Variants in LOC128125817 observed in about 807,000 individuals in gnomAD.
At chr1:41,599,783 G>A in the LOC128125817 span, among the ~76,000 whole-genome samples, 1 of 152,038 alleles carries the variant, frequency 6.6e-6, no homozygotes, top group Admixed American at 6.5e-5. Flanking sequence ...CATCAACAGA[G>A]TAAAAAGACA....
the LOC128125817 span, among the ~76,000 whole-genome samples, chr1:41,597,525 C>T: frequency 2.0e-5 from 3 of 152,158 alleles, no homozygotes; most frequent in African/African-American, 4.8e-5. Flanking sequence ...ACCCTTCAGG[C>T]GGGTACTATT....
the LOC128125817 span, among the ~76,000 whole-genome samples, chr1:41,626,500 G>C: frequency 0.021 from 3,137 of 152,256 alleles, 102 homozygotes; most frequent in African/African-American, 0.072. Flanking sequence ...GGCACGAAGC[G>C]GGGGGAGGGG....
the LOC128125817 span, among the ~76,000 whole-genome samples, chr1:41,628,083 A>T: frequency 6.6e-6 from 1 of 152,202 alleles, no homozygotes; most frequent in Admixed American, 6.5e-5. Flanking sequence ...ATACCTGAAG[A>T]TCTAAATGCA....
the LOC128125817 span, among the ~76,000 whole-genome samples, chr1:41,609,859 C>T: frequency 2.4e-4 from 36 of 152,360 alleles, no homozygotes; most frequent in African/African-American, 7.9e-4. Context: ...TAGGCCAAGA[C>T]GCTTGGTCAA....
At chr1:41,620,525 T>C in the LOC128125817 span, among the ~76,000 whole-genome samples, 2 of 152,174 alleles carry the variant, frequency 1.3e-5, no homozygotes, top group Non-Finnish European at 2.9e-5. Flanking sequence ...TACTCAGTCC[T>C]CAAGCTTTGG....
the LOC128125817 span, among the ~76,000 whole-genome samples, chr1:41,598,135 A>T: frequency 2.0e-5 from 3 of 152,186 alleles, no homozygotes; most frequent in Non-Finnish European, 4.4e-5. Flanking sequence ...CAAAGCCTGA[A>T]ATGAGAGTTG....
the LOC128125817 span, among the ~76,000 whole-genome samples, chr1:41,597,591 G>A: frequency 1.3e-5 from 2 of 152,136 alleles, no homozygotes; most frequent in Admixed American, 6.5e-5. Flanking sequence ...AAACTGATAA[G>A]TAGCAGAGAC....
chr1:41,612,170 C>T, the LOC128125817 span, among the ~76,000 whole-genome samples: 3 of 152,104 alleles, frequency 2.0e-5, no homozygotes, highest in Admixed American at 6.5e-5. Flanking sequence ...GCCTGCTGCC[C>T]GGTCCCCCAT....
At chr1:41,620,945 C>T in the LOC128125817 span, among the ~76,000 whole-genome samples, 80 of 152,300 alleles carry the variant, frequency 5.3e-4, no homozygotes, top group Non-Finnish European at 7.6e-4. Flanking sequence ...GAGGACCACC[C>T]GAGGCCCTGA....
At chr1:41,628,674 A>T in the LOC128125817 span, 1 of 1,060,048 alleles carries the variant, frequency 9.4e-7, no homozygotes, top group Non-Finnish European at 1.2e-6. Flanking sequence ...TCAGAGGAAG[A>T]ACTAAGCAAG....
chr1:41,628,093 A>T, the LOC128125817 span, among the ~76,000 whole-genome samples: 2 of 152,222 alleles, frequency 1.3e-5, no homozygotes, highest in Non-Finnish European at 2.9e-5. Context: ...ATCTAAATGC[A>T]TATATAAACA....
At chr1:41,594,423 A>G in the LOC128125817 span, among the ~76,000 whole-genome samples, 3 of 151,994 alleles carry the variant, frequency 2.0e-5, no homozygotes, top group Non-Finnish European at 2.9e-5. Context: ...GGGTTTCACC[A>G]TGGCGGCCAG....
chr1:41,598,903 C>T, the LOC128125817 span, among the ~76,000 whole-genome samples: 152 of 152,134 alleles, frequency 1.0e-3, no homozygotes, highest in Middle Eastern at 0.01. Flanking sequence ...GCAACCTCCA[C>T]CTCCTGGGCT....
the LOC128125817 span, among the ~76,000 whole-genome samples, chr1:41,597,036 T>C: frequency 1.3e-5 from 2 of 152,140 alleles, no homozygotes; most frequent in Non-Finnish European, 2.9e-5. Flanking sequence ...TTAAATCATT[T>C]CCCTTGGATG....
At chr1:41,603,159 C>A in the LOC128125817 span, among the ~76,000 whole-genome samples, 6 of 152,128 alleles carry the variant, frequency 3.9e-5, no homozygotes, top group Admixed American at 1.3e-4. Flanking sequence ...CTCCACCTCC[C>A]GGGTTCAAGC....
chr1:41,616,744 C>T, the LOC128125817 span, among the ~76,000 whole-genome samples: 2 of 151,648 alleles, frequency 1.3e-5, no homozygotes, highest in Non-Finnish European at 2.9e-5. Context: ...TGTGCTACTG[C>T]ACCTGCTCAA....
At chr1:41,597,217 G>C in the LOC128125817 span, among the ~76,000 whole-genome samples, 1 of 152,148 alleles carries the variant, frequency 6.6e-6, no homozygotes, top group South Asian at 2.1e-4. Flanking sequence ...CTTCCTGTTA[G>C]AGAGCTCAGG....
chr1:41,593,672 T>C, the LOC128125817 span, among the ~76,000 whole-genome samples: 1 of 152,252 alleles, frequency 6.6e-6, no homozygotes, highest in Non-Finnish European at 1.5e-5. Flanking sequence ...ATCTGGAATA[T>C]AAACTGTCTC....
chr1:41,602,997 T>C, the LOC128125817 span, among the ~76,000 whole-genome samples: 30 of 152,240 alleles, frequency 2.0e-4, no homozygotes, highest in African/African-American at 7.0e-4. Context: ...GTGTGTCATT[T>C]AATTTCCACA....
Sources: allele counts gnomAD v4.1 joint callset (sites outside exome capture counted in the v4.1 genomes callset), GRCh38; gene constraint gnomAD v4.1.1; transcripts MANE v1.5.